The following RERG variants were observed in gnomAD, a reference collection of about 807,000 sequenced individuals.
The protein encoded by RERG is ras-related and estrogen-regulated growth inhibitor.
RERG carries 25 observed loss-of-function variants against 23.2 expected under a neutral mutation model. The observed-to-expected ratio is 1.08, with a 90% CI of 0.79 to 1.50. The LOEUF (loss-of-function observed/expected upper bound fraction) is 1.50, where lower values mean the gene tolerates loss of function less well. RERG is among the 40% of genes most tolerant of loss of function. RERG has a pLI of 0.00. For synonymous variants in RERG, 81 were observed against 89.1 expected (o/e 0.91, Z 0.51); for missense variants, 253 against 250.1 (o/e 1.01, Z -0.08).
At chr12:15,177,455 A>C (rs1186744919) in intron 2 of RERG, among the ~76,000 whole-genome samples, 1 of 152,184 alleles carries the variant, frequency 6.6e-6, no homozygotes, top group East Asian at 1.9e-4. Flanking sequence ...TCTGCCTCAA[A>C]GAAAAAAAAA....
intron 2 of RERG, among the ~76,000 whole-genome samples, chr12:15,135,689 T>G (rs1864133063): frequency 1.3e-5 from 1 of 79,686 alleles, no homozygotes. Flanking sequence ...TTCTTCAGCC[T>G]TGATTTGATA....
intron 2 of RERG, among the ~76,000 whole-genome samples, chr12:15,216,275 C>T (rs555774388): frequency 6.6e-6 from 1 of 152,344 alleles, no homozygotes; most frequent in Non-Finnish European, 1.5e-5. Context: ...GCCTTGCCAA[C>T]TATCTATTTT....
At chr12:15,195,062 A>G (rs543528043) in intron 2 of RERG, among the ~76,000 whole-genome samples, 105 of 152,264 alleles carry the variant, frequency 6.9e-4, no homozygotes, top group Non-Finnish European at 1.1e-3. Flanking sequence ...CCAGAAAGCT[A>G]GAGAGCTTGT....
intron 2 of RERG, among the ~76,000 whole-genome samples, chr12:15,172,819 T>A (rs1419310028): frequency 6.6e-6 from 1 of 152,070 alleles, no homozygotes; most frequent in Non-Finnish European, 1.5e-5. Context: ...CCATTTTTAA[T>A]TTGGTTATTC....
chr12:15,217,667 T>C, intron 1 of RERG, 64 bp from the exon 2 acceptor site: 2 of 569,360 alleles, frequency 3.5e-6, no homozygotes, highest in South Asian at 2.1e-5. Context: ...TTATTGAGCA[T>C]CTACTATATG....
At chr12:15,171,244 A>AT (rs1864774112) in intron 2 of RERG, among the ~76,000 whole-genome samples, 2 of 152,182 alleles carry the variant, frequency 1.3e-5, no homozygotes, top group African/African-American at 4.8e-5. Context: ...AATAGCGTGA[A>AT]TTTTTACTCC....
intron 2 of RERG, among the ~76,000 whole-genome samples, chr12:15,167,833 T>C (rs7309874): frequency 0.051 from 7,733 of 152,264 alleles, 663 homozygotes; most frequent in African/African-American, 0.17. Context: ...TCTCTGGCTA[T>C]TAAAAGTGAA....
At chr12:15,166,241 T>C (rs1591655014) in intron 2 of RERG, among the ~76,000 whole-genome samples, 1 of 152,154 alleles carries the variant, frequency 6.6e-6, no homozygotes, top group Non-Finnish European at 1.5e-5. Context: ...AAGCCCAGGG[T>C]TTCTTCTAGA....
rs148287747 is a variant in RERG, at chr12:15,121,356, T to C, written c.62-237A>G. Among the ~76,000 whole-genome samples the C allele has an allele frequency of 9.0e-3, 1,366 of 152,322 alleles. 21 individuals are homozygous for C. Among genetic ancestry groups the C allele is most frequent in the African/African-American group, 0.032 (1,324 of 41,562 alleles). On this transcript the variant is annotated intron_variant, in intron 2 of 4. Transcript: ENST00000256953. ...ATTGTGCATTAGTCAACAATTAGATTTGTTGCTTTAGTCACAAGGTTAAAA... is the reference window on the plus strand; with the variant it reads ...ATTGTGCATTAGTCAACAATTAGATCTGTTGCTTTAGTCACAAGGTTAAAA...
intron 2 of RERG, among the ~76,000 whole-genome samples, chr12:15,162,164 CA>C (rs1335009490): frequency 6.6e-6 from 1 of 152,122 alleles, no homozygotes; most frequent in African/African-American, 2.4e-5. Context: ...AAGAGCAAAG[CA>C]ATGGGAAGAG....
chr12:15,181,090 T>C (rs1460760556), intron 2 of RERG, among the ~76,000 whole-genome samples: 1 of 152,270 alleles, frequency 6.6e-6, no homozygotes, highest in East Asian at 1.9e-4. Flanking sequence ...TTTAAAACTC[T>C]GTTTTTGGTT....
At chr12:15,169,422 G>GAA (rs1864743047) in intron 2 of RERG, among the ~76,000 whole-genome samples, 1 of 152,196 alleles carries the variant, frequency 6.6e-6, no homozygotes, top group South Asian at 2.1e-4. Flanking sequence ...AAGCCAAGAA[G>GAA]AAGGAAGGGA....
At chr12:15,213,842 TAA>T (rs1865402055) in intron 2 of RERG, among the ~76,000 whole-genome samples, 2 of 152,236 alleles carry the variant, frequency 1.3e-5, no homozygotes, top group Admixed American at 1.3e-4. Context: ...CTTTCAAATT[TAA>T]AAGTGTTAAT....
At chr12:15,144,343 A>G (rs1426615880) in intron 2 of RERG, among the ~76,000 whole-genome samples, 1 of 152,182 alleles carries the variant, frequency 6.6e-6, no homozygotes, top group Non-Finnish European at 1.5e-5. Flanking sequence ...CAAATTTGTC[A>G]GTATAAAGAT....
chr12:15,159,747 C>A (rs192884664), intron 2 of RERG, among the ~76,000 whole-genome samples: 5 of 152,126 alleles, frequency 3.3e-5, no homozygotes. Flanking sequence ...TGGTGTGAAC[C>A]CGGGAGGCGT....
intron 2 of RERG, among the ~76,000 whole-genome samples, chr12:15,204,295 C>A (rs1865256160): frequency 6.6e-6 from 1 of 151,540 alleles, no homozygotes; most frequent in Non-Finnish European, 1.5e-5. Flanking sequence ...TCAACAAAGG[C>A]ACTAAGAATA....
chr12:15,185,064 G>A (rs1440925725), intron 2 of RERG, among the ~76,000 whole-genome samples: 1 of 152,030 alleles, frequency 6.6e-6, no homozygotes, highest in Non-Finnish European at 1.5e-5. Context: ...AAGATCTCAG[G>A]GACAGGTGCA....
intron 2 of RERG, among the ~76,000 whole-genome samples, chr12:15,161,427 C>A (rs17762350): frequency 0.026 from 3,995 of 152,228 alleles, 88 homozygotes; most frequent in Non-Finnish European, 0.037. Context: ...CCTGAAAGCC[C>A]CTTGTACAGT....
At chr12:15,140,498 T>C (rs2010699) in intron 2 of RERG, among the ~76,000 whole-genome samples, 100,815 of 151,918 alleles carry the variant, frequency 0.66, 33,576 homozygotes, top group Admixed American at 0.75. Flanking sequence ...CTTTCTCTAT[T>C]GTTTTTTCCC....
Sources: gnomAD v4.1 joint callset for allele counts (sites outside exome capture counted in the v4.1 genomes callset) on GRCh38, gnomAD v4.1.1 for gene constraint, MANE v1.5 for transcripts, NCBI Gene and HGNC (gene_info 2026-07-23, HGNC 2026-07-21) for gene names.